MAPK10: variants seen among roughly 807,000 people sequenced by gnomAD.
MAPK10 encodes mitogen-activated protein kinase 10.
MAPK10 carries 25 observed loss-of-function variants against 59.3 expected under a neutral mutation model. The ratio of observed to expected loss-of-function variants is 0.42; its 90% CI spans 0.31 to 0.59. The LOEUF is 0.59. MAPK10 is among the 20% of genes least tolerant of loss of function. The pLI, the probability that MAPK10 is intolerant of heterozygous loss-of-function variation, is 0.15. For missense variants in MAPK10, 351 were observed against 568.9 expected, an observed-to-expected ratio of 0.62 and a Z score of 3.90; for synonymous variants, 190 against 200.5, an observed-to-expected ratio of 0.95 and a Z score of 0.44.
At chr4:86,234,760 T>G (rs1381732088) in intron 2 of MAPK10, among the ~76,000 whole-genome samples, 1 of 152,162 alleles carries the variant, frequency 6.6e-6, no homozygotes, top group Non-Finnish European at 1.5e-5. Flanking sequence ...TCTCAAAGTT[T>G]ATAATAGTAT....
At chr4:86,045,524 C>A (rs1260222097) in intron 11 of MAPK10, among the ~76,000 whole-genome samples, 2 of 151,998 alleles carry the variant, frequency 1.3e-5, no homozygotes, top group Non-Finnish European at 2.9e-5. Flanking sequence ...CAGATCTATC[C>A]TCCTGCCTTC....
chr4:86,091,006 C>G (rs1275280234), intron 9 of MAPK10: 1 of 151,982 alleles, frequency 6.6e-6, no homozygotes, highest in African/African-American at 2.4e-5. Flanking sequence ...TGACCTTGGC[C>G]AGGTTACTTC....
At chr4:86,046,851 T>C (rs1467679241) in intron 11 of MAPK10, among the ~76,000 whole-genome samples, 1 of 151,984 alleles carries the variant, frequency 6.6e-6, no homozygotes, top group African/African-American at 2.4e-5. Flanking sequence ...GGCCAGACAG[T>C]GTTCTAGGTA....
chr4:86,543,557 TTA>T (rs1758898839), intron 1 of MAPK10, among the ~76,000 whole-genome samples: 1 of 152,186 alleles, frequency 6.6e-6, no homozygotes. Context: ...TTTATTCTGT[TTA>T]TCTTTATTTC....
chr4:86,535,866 C>T lies in MAPK10; in HGVS notation c.-263+58044G>A, dbSNP rs183607340. On this transcript the variant is annotated intron_variant, in intron 1 of 4. Coordinates refer to the MAPK10 transcript ENST00000502302. ...GTCTATTATAATCTGGTACAAGACA[C>T]GTCAAAACATCTTATCAAATATGAT... Among the ~76,000 whole-genome samples the T allele has an allele frequency of 8.5e-5, 13 of 152,236 alleles. No individual in the cohort carries two copies. The East Asian group carries it at 1.9e-3, about 23-fold the overall frequency.
chr4:86,518,933 C>T (rs1034186199), intron 1 of MAPK10, among the ~76,000 whole-genome samples: 1 of 152,016 alleles, frequency 6.6e-6, no homozygotes, highest in Admixed American at 6.6e-5. Flanking sequence ...TTGAGGGTTC[C>T]TTTTGGAGTT....
At chr4:86,555,641 A>G (rs1169292500) in intron 1 of MAPK10, among the ~76,000 whole-genome samples, 1 of 152,194 alleles carries the variant, frequency 6.6e-6, no homozygotes, top group African/African-American at 2.4e-5. Context: ...TGTATATTGT[A>G]TAGTATACAC....
chr4:86,360,129 G>C (rs1239501610), upstream of MAPK10: 17 of 985,738 alleles, frequency 1.7e-5, no homozygotes, highest in Admixed American at 6.2e-5. Context: ...CACACATGAC[G>C]TCAAAGCCCA....
chr4:86,234,235 A>G (rs147827350), intron 2 of MAPK10, among the ~76,000 whole-genome samples: 1,590 of 152,286 alleles, frequency 0.01, 30 homozygotes, highest in African/African-American at 0.036. Flanking sequence ...CATCATAGAG[A>G]CAAAAAAAAA....
intron 1 of MAPK10, among the ~76,000 whole-genome samples, chr4:86,562,630 G>A (rs905481065): frequency 6.6e-6 from 1 of 151,958 alleles, no homozygotes. Context: ...GGGAAGTCGA[G>A]GCTGCAGTGA....
At chr4:86,451,921 G>A (rs1750763191) in intron 1 of MAPK10, among the ~76,000 whole-genome samples, 1 of 152,142 alleles carries the variant, frequency 6.6e-6, no homozygotes, top group South Asian at 2.1e-4. Context: ...TGTGCACAAA[G>A]ATGGAAGAGA....
intron 2 of MAPK10, among the ~76,000 whole-genome samples, chr4:86,343,590 A>G (rs2148944613): frequency 6.6e-6 from 1 of 152,316 alleles, no homozygotes; most frequent in South Asian, 2.1e-4. Context: ...CTCAAAGTAT[A>G]GTTCACGGAC....
intron 4 of MAPK10, among the ~76,000 whole-genome samples, chr4:86,149,570 A>C (rs1457156527): frequency 3.3e-5 from 5 of 152,124 alleles, no homozygotes; most frequent in African/African-American, 1.2e-4. Flanking sequence ...CCCAACCTGG[A>C]TTGGATTATT....
intron 2 of MAPK10, among the ~76,000 whole-genome samples, chr4:86,246,770 C>G (rs550478562): frequency 9.2e-5 from 14 of 152,320 alleles, no homozygotes; most frequent in African/African-American, 2.6e-4. Context: ...GGAATGCAGG[C>G]AGTGGGACAC....
At chr4:86,262,730 C>T (rs1386598639) in intron 2 of MAPK10, among the ~76,000 whole-genome samples, 2 of 152,230 alleles carry the variant, frequency 1.3e-5, no homozygotes, top group East Asian at 3.9e-4. Context: ...TCTCAAGTCT[C>T]ATTTGATCCT....
chr4:86,048,935 G>T (rs1288759522), intron 11 of MAPK10, among the ~76,000 whole-genome samples: 3 of 151,804 alleles, frequency 2.0e-5, no homozygotes, highest in African/African-American at 4.8e-5. Flanking sequence ...GTGACATAAA[G>T]GTTCTAGGTT....
rs573159314 is a variant in MAPK10, at chr4:86,118,479, G to A, written c.237-11127C>T. Among the ~76,000 whole-genome samples, 3 of 152,172 alleles carry A rather than the reference G, an allele frequency of 2.0e-5. No homozygotes were observed. In the East Asian group the frequency reaches 5.8e-4, roughly 29 times the overall value. On this transcript the variant is annotated intron_variant, in intron 4 of 13. Transcript: ENST00000641462. ...TTCTACCAGGTTTATTCCTAAAAGAGTGATAGAGCTTTCTGCTGTTATGCT... is the reference window on the plus strand; with the variant it reads ...TTCTACCAGGTTTATTCCTAAAAGAATGATAGAGCTTTCTGCTGTTATGCT...
At position 86,323,745 on chromosome 4, in the gene MAPK10, T is replaced by C. The variant is rs575209337; in HGVS notation, c.-7+30785A>G. Among the ~76,000 whole-genome samples, 5 of 152,348 alleles carry C rather than the reference T, an allele frequency of 3.3e-5. No homozygotes were observed. In the East Asian group the frequency reaches 9.6e-4, roughly 29 times the overall value. On this transcript the variant is annotated intron_variant, in intron 2 of 13. Transcript: ENST00000641462. ...TATTTTGCTATTTTATTCAACAGTA[T>C]ACTACTTTTAGGCATATAACTCAAA...
intron 1 of MAPK10, among the ~76,000 whole-genome samples, chr4:86,383,575 C>T (rs1412859115): frequency 6.6e-6 from 1 of 152,128 alleles, no homozygotes; most frequent in East Asian, 1.9e-4. Context: ...TAAGTATGAA[C>T]CAGTGAAATA....
Sources: gnomAD v4.1 joint callset for allele counts (sites outside exome capture counted in the v4.1 genomes callset) on GRCh38, gnomAD v4.1.1 for gene constraint, MANE v1.5 for transcripts, NCBI Gene and HGNC (gene_info 2026-07-23, HGNC 2026-07-21) for gene names.